The following FNDC3B variants were observed in gnomAD, a reference collection of about 807,000 sequenced individuals.
The protein encoded by FNDC3B is fibronectin type III domain containing 3B.
FNDC3B carries 12 observed loss-of-function variants against 151.5 expected under a neutral mutation model. The ratio of observed to expected loss-of-function variants is 0.08; its 90% CI spans 0.05 to 0.13. The LOEUF is 0.13. FNDC3B is among the 10% of genes least tolerant of loss of function. FNDC3B has a pLI of 1.00. For synonymous variants in FNDC3B, 528 were observed against 549.0 expected (o/e 0.96, Z 0.54); for missense variants, 1,214 against 1,505.3 (o/e 0.81, Z 3.20).
At chr3:172,210,345 T>G (rs950471602) in intron 3 of FNDC3B, among the ~76,000 whole-genome samples, 4 of 152,152 alleles carry the variant, frequency 2.6e-5, no homozygotes, top group African/African-American at 9.7e-5. Context: ...TCCTTAATTT[T>G]CTTTTTTTGT....
chr3:172,206,731 AT>A (rs1725455671), intron 3 of FNDC3B, among the ~76,000 whole-genome samples: 1 of 152,028 alleles, frequency 6.6e-6, no homozygotes, highest in African/African-American at 2.4e-5. Flanking sequence ...TTATAAAAAA[AT>A]AAAAATAGGT....
intron 3 of FNDC3B, among the ~76,000 whole-genome samples, chr3:172,168,377 G>C (rs1723112087): frequency 6.6e-6 from 1 of 152,214 alleles, no homozygotes; most frequent in South Asian, 2.1e-4. Context: ...GAAGTTGTGG[G>C]AACCAGAGAA....
Position 172,280,530 on chromosome 3 carries a change from A to T in FNDC3B, c.791-5396A>T, listed in dbSNP as rs192973491. 6.6e-5 allele frequency among the ~76,000 whole-genome samples: 10 copies of T among 152,326 alleles called. No homozygotes were observed. In the East Asian group the frequency reaches 1.7e-3, roughly 26 times the overall value. On this transcript the variant is annotated intron_variant, in intron 6 of 25. Coordinates refer to ENST00000415807, the MANE Select transcript of FNDC3B (RefSeq NM_022763.4). ...CTTGGCAGATCTGAGAAAGCATATG[A>T]TGTTATGACAGGGATATCTACAAAT...
At chr3:172,224,587 G>T (rs995041682) in intron 3 of FNDC3B, among the ~76,000 whole-genome samples, 3 of 152,042 alleles carry the variant, frequency 2.0e-5, no homozygotes, top group South Asian at 2.1e-4. Flanking sequence ...CAGTGTCCCT[G>T]TCCCTTTCCC....
chr3:172,150,794 A>G (rs2108601243), intron 3 of FNDC3B, among the ~76,000 whole-genome samples: 1 of 152,258 alleles, frequency 6.6e-6, no homozygotes, highest in East Asian at 1.9e-4. Context: ...ATGTTTTGAT[A>G]CAGGCATGCA....
intron 3 of FNDC3B, among the ~76,000 whole-genome samples, chr3:172,177,591 A>G (rs1033558510): frequency 6.8e-6 from 1 of 146,478 alleles, no homozygotes; most frequent in Non-Finnish European, 1.5e-5. Context: ...AAATTTACCA[A>G]ATAGCTCTGA....
chr3:172,222,689 C>T (rs1726343047), intron 3 of FNDC3B, among the ~76,000 whole-genome samples: 2 of 152,144 alleles, frequency 1.3e-5, no homozygotes, highest in Admixed American at 1.3e-4. Flanking sequence ...TCTAATGCCG[C>T]TGCCGATCTG....
intron 1 of FNDC3B, among the ~76,000 whole-genome samples, chr3:172,098,088 T>C (rs1353097022): frequency 2.0e-5 from 3 of 152,096 alleles, no homozygotes; most frequent in Admixed American, 6.6e-5. Flanking sequence ...TATTAACTTA[T>C]TTAATGGCCG....
intron 25 of FNDC3B, among the ~76,000 whole-genome samples, chr3:172,382,220 A>T (rs531719411): frequency 3.3e-5 from 5 of 152,302 alleles, no homozygotes; most frequent in African/African-American, 1.2e-4. Context: ...CTCTAATGAC[A>T]AGTGATGACG....
intron 2 of FNDC3B, among the ~76,000 whole-genome samples, chr3:172,124,832 T>C (rs887160670): frequency 2.0e-5 from 3 of 152,208 alleles, no homozygotes; most frequent in Non-Finnish European, 1.5e-5. Context: ...TTAGTGACTA[T>C]TGGGGAGGGC....
chr3:172,195,294 G>A (rs928409032), intron 3 of FNDC3B, among the ~76,000 whole-genome samples: 2 of 152,206 alleles, frequency 1.3e-5, no homozygotes, highest in East Asian at 1.9e-4. Flanking sequence ...CTGAGATCCC[G>A]AGGGAGAACA....
At chr3:172,325,916 C>T (rs1303273049) in intron 11 of FNDC3B, among the ~76,000 whole-genome samples, 2 of 151,994 alleles carry the variant, frequency 1.3e-5, no homozygotes, top group South Asian at 2.1e-4. Context: ...CTCTGCCTCC[C>T]GGGTTCAAGC....
At chr3:172,185,002 A>G (rs1182213799) in intron 3 of FNDC3B, among the ~76,000 whole-genome samples, 1 of 152,238 alleles carries the variant, frequency 6.6e-6, no homozygotes, top group African/African-American at 2.4e-5. Flanking sequence ...CCACTTTGGA[A>G]GTCACCGTCT....
chr3:172,229,652 T>C (rs1054613417), intron 4 of FNDC3B, among the ~76,000 whole-genome samples: 2 of 152,218 alleles, frequency 1.3e-5, no homozygotes, highest in Non-Finnish European at 2.9e-5. Context: ...CTCATGGGGA[T>C]TGTATCTCAG....
chr3:172,388,914 C>T (rs576345930), intron 25 of FNDC3B, among the ~76,000 whole-genome samples: 8 of 152,218 alleles, frequency 5.3e-5, no homozygotes, highest in East Asian at 1.9e-4. Context: ...TGCCAAGCCC[C>T]GTCCTAGGAG....
rs760446690 is a variant in FNDC3B, at chr3:172,229,084, A to AACACACACACAC, written c.264+2179_264+2190dup. Among the ~76,000 whole-genome samples the AACACACACACAC allele has an allele frequency of 1.1e-3, 127 of 117,848 alleles. 4 individuals are homozygous for AACACACACACAC. Among genetic ancestry groups the AACACACACACAC allele is most frequent in the African/African-American group, 3.2e-3 (99 of 30,830 alleles). The allele number at this position is 117,848 out of a possible 152,430, so 77.3% of individuals were successfully genotyped here. On this transcript the variant is annotated intron_variant, in intron 4 of 25. Transcript: ENST00000415807. ...TGTCATGCAGTTGTAGAAAGAAAGA[A>AACACACACACAC]ACACACACACACACACACACACACA...
At chr3:172,351,248 G>T (rs1733836808) in intron 21 of FNDC3B, among the ~76,000 whole-genome samples, 1 of 152,220 alleles carries the variant, frequency 6.6e-6, no homozygotes, top group Non-Finnish European at 1.5e-5. Flanking sequence ...TGAACAGGTG[G>T]CACCTACAGA....
At chr3:172,234,687 T>TC (rs1421683933) in intron 4 of FNDC3B, among the ~76,000 whole-genome samples, 2 of 152,232 alleles carry the variant, frequency 1.3e-5, no homozygotes, top group Non-Finnish European at 2.9e-5. Context: ...TGACACAGTA[T>TC]CACATCCAGA....
chr3:172,109,530 G>T (rs1428558566), intron 1 of FNDC3B, among the ~76,000 whole-genome samples: 1 of 152,254 alleles, frequency 6.6e-6, no homozygotes, highest in African/African-American at 2.4e-5. Flanking sequence ...TTATGGCTAA[G>T]TGAGACTGCT....
Sources: gnomAD v4.1 joint callset for allele counts (sites outside exome capture counted in the v4.1 genomes callset) on GRCh38, gnomAD v4.1.1 for gene constraint, MANE v1.5 for transcripts, NCBI Gene and HGNC (gene_info 2026-07-23, HGNC 2026-07-21) for gene names.